OTOGL: variants seen among roughly 807,000 people sequenced by gnomAD.
The protein encoded by OTOGL is otogelin like, also known as otogelin-like protein.
Under a neutral mutation model 318.5 loss-of-function variants are expected in OTOGL, and 285 were observed. The observed-to-expected ratio is 0.89, with a 90% CI of 0.81 to 0.99. The LOEUF (loss-of-function observed/expected upper bound fraction) is 0.99, where lower values mean the gene tolerates loss of function less well. Ranked by LOEUF, OTOGL falls within the 50% of genes least tolerant of loss-of-function variation. The pLI, the probability that OTOGL is intolerant of heterozygous loss-of-function variation, is 0.00. For missense variants in OTOGL, 2,899 were observed against 2,845.6 expected, an observed-to-expected ratio of 1.02 and a Z score of -0.43; for synonymous variants, 987 against 936.5, an observed-to-expected ratio of 1.05 and a Z score of -0.99.
At chr12:80,203,434 G>T (rs1876596033) in intron 1 of OTOGL, among the ~76,000 whole-genome samples, 1 of 151,520 alleles carries the variant, frequency 6.6e-6, no homozygotes, top group South Asian at 2.1e-4. Flanking sequence ...AGGCTGTTTT[G>T]TTATGTTAAG....
intron 3 of OTOGL, among the ~76,000 whole-genome samples, 185 bp from the exon 4 acceptor site, chr12:80,211,764 G>A (rs1877273327): frequency 1.3e-5 from 2 of 152,086 alleles, no homozygotes; most frequent in Admixed American, 1.3e-4. Context: ...AAATGAGACA[G>A]CACCACCACC....
At chr12:80,126,267 A>G (rs922941422) in intron 1 of OTOGL, among the ~76,000 whole-genome samples, 3 of 152,142 alleles carry the variant, frequency 2.0e-5, no homozygotes, top group Non-Finnish European at 4.4e-5. Flanking sequence ...TTCAAAGAAC[A>G]TCTTTATTTC....
intron 23 of OTOGL, among the ~76,000 whole-genome samples, chr12:80,270,844 A>G (rs1883354552): frequency 6.6e-6 from 1 of 152,142 alleles, no homozygotes; most frequent in South Asian, 2.1e-4. Flanking sequence ...ACTATGGGCA[A>G]ATTCTAGGCA....
In OTOGL at chr12:80,353,484, C is replaced by T; in HGVS notation, c.5567C>T (p.Ala1856Val). 1 of 1,590,898 alleles carries T rather than the reference C, an allele frequency of 6.3e-7. No individual in the cohort carries two copies. Among genetic ancestry groups the T allele is most frequent in the Non-Finnish European group, 8.6e-7 (1 of 1,168,258 alleles). Residue 1856 changes from alanine to valine, a missense_variant, in exon 46 of 59, where the codon GCC (alanine) becomes GTC (valine). Around this residue, in one of 3 missense-constraint regions of OTOGL, gnomAD observed 2,607 missense variants for 2,524.9 expected, o/e 1.03. Coordinates refer to ENST00000547103, the MANE Select transcript of OTOGL (RefSeq NM_001378609.3). ...VGTILHRPHS[A>V]QCIPEKECAC... ...ACTATTCTTCACAGGCCACATTCAG[C>T]CCAGTGCATTCCAGAGAAAGAGTGT...
intron 8 of OTOGL, 86 bp downstream of exon 8, chr12:80,229,464 G>T: frequency 6.9e-7 from 1 of 1,441,122 alleles, no homozygotes; most frequent in Non-Finnish European, 9.4e-7. Flanking sequence ...GAACTGTGGA[G>T]AGTAGGAAGA....
intron 11 of OTOGL, among the ~76,000 whole-genome samples, chr12:80,248,367 CA>C (rs1881122361): frequency 7.0e-6 from 1 of 143,540 alleles, no homozygotes; most frequent in Non-Finnish European, 1.5e-5. Flanking sequence ...CTGGTGGTGA[CA>C]AAATCTCTCA....
intron 1 of OTOGL, among the ~76,000 whole-genome samples, chr12:80,105,047 G>C (rs1051085071): frequency 2.6e-5 from 4 of 152,062 alleles, no homozygotes; most frequent in South Asian, 2.1e-4. Context: ...AGTGAGCCGA[G>C]ATTGCACCAT....
intron 11 of OTOGL, among the ~76,000 whole-genome samples, chr12:80,242,301 AC>A (rs1378134675): frequency 1.3e-5 from 2 of 152,178 alleles, no homozygotes; most frequent in African/African-American, 4.8e-5. Context: ...TAGAGAAGCA[AC>A]TTGTGCTGGC....
chr12:80,128,313 C>T (rs893293435), intron 1 of OTOGL, among the ~76,000 whole-genome samples: 1 of 152,150 alleles, frequency 6.6e-6, no homozygotes, highest in African/African-American at 2.4e-5. Context: ...CACTCCAGAC[C>T]CTGTTTGCCT....
intron 58 of OTOGL, 139 bp from the exon 59 acceptor site, chr12:80,377,709 A>T: frequency 1.5e-6 from 1 of 677,686 alleles, no homozygotes; most frequent in Non-Finnish European, 2.5e-6. Flanking sequence ...ATTGTTTTTT[A>T]CGATCTTGCA....
Position 80,279,075 on chromosome 12 carries a change from C to A in OTOGL, c.2837C>A (p.Ala946Glu), listed in dbSNP as rs1884020020. The change falls in exon 26 of 59, where the codon GCA becomes GAA. Residue 946 changes from alanine to glutamate, a missense_variant. Physicochemically the swap from Ala to Glu is moderately radical, Grantham distance 107. Transcript: ENST00000547103. ...MFNCTYYPCPAVCTIYGDRHY... is the reference protein window; with the variant it reads ...MFNCTYYPCPEVCTIYGDRHY... Reference sequence around the variant, plus strand: ...AATTGCACATATTATCCATGCCCAGCAGTGTGCACAATATACGGGGACCGA... The same window carrying A: ...AATTGCACATATTATCCATGCCCAGAAGTGTGCACAATATACGGGGACCGA... 8 of 1,595,088 alleles carry A rather than the reference C, an allele frequency of 5.0e-6. No homozygotes were observed. Among genetic ancestry groups the A allele is most frequent in the Non-Finnish European group, 6.8e-6 (8 of 1,176,544 alleles).
intron 1 of OTOGL, among the ~76,000 whole-genome samples, chr12:80,128,709 C>T (rs1369796803): frequency 6.6e-6 from 1 of 152,208 alleles, no homozygotes; most frequent in East Asian, 1.9e-4. Context: ...TTCCTGGCTG[C>T]TTTGTTTACC....
chr12:80,333,582 C>T (rs1257613564), intron 38 of OTOGL, among the ~76,000 whole-genome samples: 1 of 152,002 alleles, frequency 6.6e-6, no homozygotes, highest in Non-Finnish European at 1.5e-5. Context: ...AGGCACTATT[C>T]AGATCCTATG....
intron 18 of OTOGL, among the ~76,000 whole-genome samples, chr12:80,259,118 A>T (rs1882310228): frequency 6.6e-6 from 1 of 151,360 alleles, no homozygotes; most frequent in African/African-American, 2.4e-5. Context: ...TAAAAAATGA[A>T]TATTTAGTGT....
chr12:80,117,243 G>A (rs78629972), intron 1 of OTOGL, among the ~76,000 whole-genome samples: 5,432 of 125,628 alleles, frequency 0.043, 113 homozygotes, highest in South Asian at 0.1. Context: ...GAGGCGATAA[G>A]CTATCTCTGG....
chr12:80,251,950 T>C, intron 12 of OTOGL, 126 bp from the exon 13 acceptor site: 1 of 1,110,408 alleles, frequency 9.0e-7, no homozygotes, highest in Admixed American at 6.0e-5. Flanking sequence ...GAAACAAGTA[T>C]GCAATTTTTT....
chr12:80,333,099 C>G (rs766210601), intron 38 of OTOGL, 21 bp downstream of exon 38: 1 of 1,555,300 alleles, frequency 6.4e-7, no homozygotes, highest in Admixed American at 1.8e-5. Context: ...GCAATATCTT[C>G]CAGCTCTTTG....
At chr12:80,377,022 T>C in intron 57 of OTOGL, 101 bp from the exon 58 acceptor site, 1 of 713,810 alleles carries the variant, frequency 1.4e-6, no homozygotes, top group South Asian at 2.8e-5. Flanking sequence ...ATATTTTATA[T>C]AAATACACCA....
chr12:80,336,622 A>G lies in OTOGL; in HGVS notation c.4743+67A>G. On this transcript the variant is annotated intron_variant, in intron 40 of 58. Coordinates refer to ENST00000547103, the MANE Select transcript of OTOGL (RefSeq NM_001378609.3). ...TATAGCTAATGTCTATTGCAACATC[A>G]GGGATTCTCACAGGAGGAGGGAGCT... The G allele has an allele frequency of 2.0e-6, 3 of 1,511,792 alleles. No homozygotes were observed. In the South Asian group the frequency reaches 3.7e-5, roughly 19 times the overall value. The allele number at this position is 1,511,792 out of a possible 1,614,324, so 93.6% of individuals were successfully genotyped here.
Sources: gnomAD v4.1 joint callset for allele counts (sites outside exome capture counted in the v4.1 genomes callset) on GRCh38, gnomAD v4.1.1 for gene constraint, gnomAD v4.1.1 regional missense constraint, MANE v1.5 for transcripts, NCBI Gene and HGNC (gene_info 2026-07-23, HGNC 2026-07-21) for gene names.